MS4A15: variants seen among roughly 807,000 people sequenced by gnomAD.
MS4A15 encodes membrane spanning 4-domains A15.
A neutral mutation model predicts 20.6 loss-of-function variants in MS4A15; 22 were observed. The observed-to-expected ratio is 1.07, with a 90% CI of 0.76 to 1.52. The LOEUF (loss-of-function observed/expected upper bound fraction) is 1.52, where lower values mean the gene tolerates loss of function less well. Ranked by LOEUF, MS4A15 falls within the 40% of genes most tolerant of loss-of-function variation. The pLI is 0.00. For synonymous variants in MS4A15, 129 were observed against 129.3 expected (o/e 1.00, Z 0.02); for missense variants, 312 against 323.0 (o/e 0.97, Z 0.26).
chr11:60,769,777 C>G (rs537849537), intron 3 of MS4A15, among the ~76,000 whole-genome samples: 2 of 152,168 alleles, frequency 1.3e-5, no homozygotes, highest in African/African-American at 4.8e-5. Context: ...CGCATCCACC[C>G]CAGCAGCAGG....
intron 1 of MS4A15, among the ~76,000 whole-genome samples, chr11:60,757,793 A>G (rs1315594969): frequency 6.6e-6 from 1 of 151,876 alleles, no homozygotes; most frequent in East Asian, 1.9e-4. Context: ...CTCAACGCCA[A>G]CTCCTCGTCA....
At position 60,773,301 on chromosome 11, in the gene MS4A15, G is replaced by A. The variant is rs1854088947; in HGVS notation, c.406-91G>A. ...TGCCTCCTTGGCTGTGGGAGGCAGCGTGCTGGGGGCTGGGCAGCTGAGCCA... is the reference window on the plus strand; with the variant it reads ...TGCCTCCTTGGCTGTGGGAGGCAGCATGCTGGGGGCTGGGCAGCTGAGCCA... On this transcript the variant is annotated intron_variant, in intron 4 of 6. Coordinates refer to ENST00000405633, the MANE Select transcript of MS4A15 (RefSeq NM_001098835.2). The A allele has an allele frequency of 5.7e-6, 6 of 1,047,610 alleles. No homozygotes were observed. In the South Asian group the frequency reaches 5.9e-5, roughly 10 times the overall value. The allele number at this position is 1,047,610 out of a possible 1,614,324, so 64.9% of individuals were successfully genotyped here.
chr11:60,761,160 G>A (rs929327478), intron 1 of MS4A15, among the ~76,000 whole-genome samples: 3 of 152,142 alleles, frequency 2.0e-5, no homozygotes, highest in Non-Finnish European at 4.4e-5. Context: ...GAGGTCGATG[G>A]ATGCCCCTGT....
At position 60,773,435 on chromosome 11, in the gene MS4A15, C is replaced by T. The variant is rs201539546; in HGVS notation, c.449C>T (p.Ala150Val). Residue 150 changes from alanine to valine, a missense_variant, in exon 5 of 7, where the codon GCC becomes GTC. Coordinates refer to ENST00000405633, the MANE Select transcript of MS4A15 (RefSeq NM_001098835.2). ...LGTNILSVMA[A>V]FAGTAILLMD... The stretch of plus-strand genomic sequence containing the variant: ...ACCAACATCCTCAGCGTCATGGCGG[C>T]CTTTGCTGGGACAGCCATTCTGCTC... The T allele has an allele frequency of 5.2e-5, 84 of 1,613,740 alleles. No individual in the cohort carries two copies. The highest frequency in any genetic ancestry group is 6.5e-5 in the Non-Finnish European group (77 of 1,179,990).
At chr11:60,772,943 T>C (rs1183242017) in intron 4 of MS4A15, among the ~76,000 whole-genome samples, 3 of 152,022 alleles carry the variant, frequency 2.0e-5, no homozygotes, top group Non-Finnish European at 2.9e-5. Context: ...TGGAACCTCA[T>C]AGAAATGAAC....
chr11:60,758,695 A>G (rs999598297), intron 1 of MS4A15, among the ~76,000 whole-genome samples: 1 of 152,238 alleles, frequency 6.6e-6, no homozygotes, highest in Non-Finnish European at 1.5e-5. Flanking sequence ...GCAATAGCTG[A>G]CTTTATTGGT....
Position 60,767,522 on chromosome 11 carries a change from G to C in MS4A15, c.226-11G>C. 6.6e-7 allele frequency: 1 copy of C among 1,513,460 alleles called. No homozygotes were observed. The highest frequency in any genetic ancestry group is 8.9e-7 in the Non-Finnish European group (1 of 1,124,612). The allele number at this position is 1,513,460 out of a possible 1,614,324, so 93.8% of individuals were successfully genotyped here. On this transcript the variant is annotated splice_polypyrimidine_tract_variant and intron_variant, in intron 2 of 6. Transcript: ENST00000405633. ...AGGGCCCGCGGCACTGAGCCTCGGGGCTTCCCGCAGACGGTGCAGATCCTC... is the reference window on the plus strand; with the variant it reads ...AGGGCCCGCGGCACTGAGCCTCGGGCCTTCCCGCAGACGGTGCAGATCCTC...
intron 3 of MS4A15, among the ~76,000 whole-genome samples, chr11:60,769,215 G>A (rs1311241311): frequency 3.3e-5 from 5 of 152,142 alleles, no homozygotes; most frequent in South Asian, 2.1e-4. Flanking sequence ...CATGAGCGTC[G>A]GGAGATCCTG....
At chr11:60,757,890 A>G (rs1262702851) in intron 1 of MS4A15, among the ~76,000 whole-genome samples, 3 of 152,238 alleles carry the variant, frequency 2.0e-5, no homozygotes, top group Non-Finnish European at 4.4e-5. Flanking sequence ...GTTATTGTTC[A>G]AAGCAACAGG....
intron 2 of MS4A15, among the ~76,000 whole-genome samples, chr11:60,765,069 G>A (rs111419632): frequency 0.011 from 1,657 of 152,332 alleles, 25 homozygotes; most frequent in South Asian, 0.067. Context: ...AAACACAGAA[G>A]TGAAGTAGAG....
At chr11:60,764,101 A>G (rs559272186) in intron 2 of MS4A15, 143 bp downstream of exon 2, 1 of 741,890 alleles carries the variant, frequency 1.3e-6, no homozygotes, top group Admixed American at 2.8e-5. Context: ...CCAGGTAGAC[A>G]AGCACCCTTC....
chr11:60,767,447 G>GGCGGGGCCAGCCACGCTCTCC, intron 2 of MS4A15, 86 bp from the exon 3 acceptor site: 2 of 1,383,744 alleles, frequency 1.4e-6, no homozygotes, highest in Non-Finnish European at 1.9e-6. Flanking sequence ...GCGGGAGGAG[G>GGCGGGGCCAGCCACGCTCTCC]GCGGGGCCAG....
chr11:60,772,178 C>T (rs951899501), intron 4 of MS4A15, among the ~76,000 whole-genome samples: 2 of 152,188 alleles, frequency 1.3e-5, no homozygotes, highest in East Asian at 3.9e-4. Context: ...GGTCGGGAAA[C>T]GCCATGGCTG....
rs748655294 is a variant in MS4A15 at position 60,773,917 on chromosome 11, C to T, written c.579C>T (p.Phe193=). The change falls in exon 6 of 7, where the codon TTC becomes TTT. Residue 193 remains phenylalanine (F), a synonymous_variant. Transcript: ENST00000405633. ...TCACAGCGGTCATTGCCATGCACTT[C>T]GGGTGCCAAGCCATCCATGCCCAGG... is the stretch of plus-strand genomic sequence containing the variant. The part of the protein sequence containing the change: ...EFFTAVIAMH[F]GCQAIHAQAS... 45 of 1,614,010 alleles carry T rather than the reference C, an allele frequency of 2.8e-5. No individual in the cohort carries two copies. Among genetic ancestry groups the T allele is most frequent in the Admixed American group, 1.7e-5 (1 of 60,012 alleles).
chr11:60,765,995 G>A (rs1254891286), intron 2 of MS4A15, among the ~76,000 whole-genome samples: 3 of 152,166 alleles, frequency 2.0e-5, no homozygotes, highest in African/African-American at 7.2e-5. Flanking sequence ...TGCAGACTTA[G>A]CTGGCCTGCC....
chr11:60,774,099 C>T, intron 6 of MS4A15, 149 bp downstream of exon 6: 3 of 657,594 alleles, frequency 4.6e-6, no homozygotes, highest in South Asian at 1.7e-5. Flanking sequence ...AAGGGTGTCC[C>T]ATCCATGTCA....
chr11:60,771,584 C>T, intron 4 of MS4A15: 1 of 1,519,592 alleles, frequency 6.6e-7, no homozygotes, highest in African/African-American at 1.4e-5. Flanking sequence ...GAGGTCCATG[C>T]TCATGGTCAT....
At chr11:60,763,213 A>T (rs1853792083) in intron 1 of MS4A15, among the ~76,000 whole-genome samples, 1 of 152,104 alleles carries the variant, frequency 6.6e-6, no homozygotes, top group African/African-American at 2.4e-5. Flanking sequence ...CCAAATAGAA[A>T]GCTTCCCACA....
chr11:60,773,881 C>G lies in MS4A15; in HGVS notation c.543C>G (p.Val181=), dbSNP rs777759933. ...GYLAVLTIFT[V]LEFFTAVIAM... ...TGGCCGTGCTTACTATCTTCACTGTCCTGGAGTTCTTCACAGCGGTCATTG... is the reference window on the plus strand; with the variant it reads ...TGGCCGTGCTTACTATCTTCACTGTGCTGGAGTTCTTCACAGCGGTCATTG... Residue 181 remains valine, a synonymous_variant, in exon 6 of 7, where the codon GTC becomes GTG. Coordinates refer to ENST00000405633, the MANE Select transcript of MS4A15 (RefSeq NM_001098835.2). 1 of 1,614,044 alleles carries G rather than the reference C, an allele frequency of 6.2e-7. No homozygotes were observed. Among genetic ancestry groups the G allele is most frequent in the Non-Finnish European group, 8.5e-7 (1 of 1,180,026 alleles).
Sources: gnomAD v4.1 joint callset for allele counts (sites outside exome capture counted in the v4.1 genomes callset) on GRCh38, gnomAD v4.1.1 for gene constraint, MANE v1.5 for transcripts, NCBI Gene and HGNC (gene_info 2026-07-23, HGNC 2026-07-21) for gene names.